The following FNDC1 variants were observed in gnomAD, a reference collection of about 807,000 sequenced individuals.
FNDC1 encodes fibronectin type III domain-containing protein 1.
Under a neutral mutation model 168.0 loss-of-function variants are expected in FNDC1, and 96 were observed. The observed-to-expected ratio is 0.57, with a 90% CI of 0.48 to 0.68. FNDC1 has a LOEUF of 0.68. Among genes scored for constraint, FNDC1 ranks in the 30% least tolerant of loss-of-function variants. FNDC1 has a pLI of 0.00. For synonymous variants in FNDC1, 1,099 were observed against 1,025.9 expected (o/e 1.07, Z -1.36); for missense variants, 2,587 against 2,482.1 (o/e 1.04, Z -0.90).
intron 21 of FNDC1, among the ~76,000 whole-genome samples, chr6:159,267,074 A>G (rs777611103): frequency 2.2e-4 from 34 of 152,174 alleles, no homozygotes; most frequent in Middle Eastern, 3.4e-3. Flanking sequence ...TTGTTGGTCA[A>G]AAATATATTT....
intron 21 of FNDC1, among the ~76,000 whole-genome samples, chr6:159,266,733 G>A (rs1303224724): frequency 1.3e-5 from 2 of 148,624 alleles, no homozygotes; most frequent in African/African-American, 5.0e-5. Context: ...ACGAGCGTGA[G>A]CTGGAATAAT....
chr6:159,194,354 C>T (rs1438779404), intron 1 of FNDC1, among the ~76,000 whole-genome samples: 3 of 152,062 alleles, frequency 2.0e-5, no homozygotes, highest in Non-Finnish European at 4.4e-5. Context: ...CTTTAGAGAC[C>T]CAGTGCATGG....
In FNDC1 at chr6:159,233,868, CA is replaced by C; in HGVS notation, c.3357del (p.Ala1121GlnfsTer120). 6.5e-7 allele frequency: 1 copy of C among 1,547,246 alleles called. No homozygotes were observed. The highest frequency in any genetic ancestry group is 2.4e-5 in the East Asian group (1 of 40,826). Reference protein sequence around the residue: ...KHQQVESPTGAGAGGDHRSQR... With the variant: ...KHQQVESPTGXGAGGDHRSQR... Reference sequence around the variant, plus strand: ...CAGCAGGTGGAGTCTCCCACAGGCGCAGGGGCAGGTGGCGACCACAGGTCCC... The same window carrying C: ...CAGCAGGTGGAGTCTCCCACAGGCGCGGGGCAGGTGGCGACCACAGGTCCC... On this transcript the variant is annotated frameshift_variant, in exon 11 of 23. Coordinates refer to ENST00000297267, the MANE Select transcript of FNDC1 (RefSeq NM_032532.3). LOFTEE classifies it high-confidence loss of function. The surrounding 1 kb of genome is among the most constrained non-coding windows in gnomAD (Gnocchi z 4.6).
At chr6:159,213,096 G>A (rs1247574167) in intron 4 of FNDC1, among the ~76,000 whole-genome samples, 1 of 152,218 alleles carries the variant, frequency 6.6e-6, no homozygotes, top group African/African-American at 2.4e-5. Context: ...CCATAAAATA[G>A]GGGGATTGCA....
In FNDC1 at chr6:159,238,448, A is replaced by T. The variant is rs1783319264; in HGVS notation, c.4069-106A>T. 2.6e-5 allele frequency: 18 copies of T among 696,006 alleles called. No homozygotes were observed. The East Asian group carries it at 5.1e-4, about 20-fold the overall frequency. The allele number at this position is 696,006 out of a possible 1,614,324, so 43.1% of individuals were successfully genotyped here. A position where few individuals can be genotyped will look rare whatever the true frequency, so the allele number is the denominator to read the frequency against. ...AAAAAGAATGTCTTCTACTCACATT[A>T]CGGTTTCCTTCTGTGGAAGCTTCAG... On this transcript the variant is annotated intron_variant, in intron 12 of 22. Coordinates refer to ENST00000297267, the MANE Select transcript of FNDC1 (RefSeq NM_032532.3).
chr6:159,181,542 A>G (rs1290140139), intron 1 of FNDC1, among the ~76,000 whole-genome samples: 2 of 152,250 alleles, frequency 1.3e-5, no homozygotes. Context: ...ACAACCAAAT[A>G]TGATAAATGT....
chr6:159,188,669 C>T (rs551135322), intron 1 of FNDC1, among the ~76,000 whole-genome samples: 7 of 151,910 alleles, frequency 4.6e-5, no homozygotes, highest in South Asian at 2.1e-4. Flanking sequence ...TGAGCCACTG[C>T]GCCCGGCCGC....
intron 18 of FNDC1, among the ~76,000 whole-genome samples, chr6:159,259,626 G>T (rs1348687671): frequency 6.6e-6 from 1 of 152,078 alleles, no homozygotes; most frequent in African/African-American, 2.4e-5. Context: ...GTTTGCCCAG[G>T]ACTGGAAATG....
At chr6:159,183,631 A>G (rs778987246) in intron 1 of FNDC1, among the ~76,000 whole-genome samples, 47 of 152,186 alleles carry the variant, frequency 3.1e-4, no homozygotes, top group Non-Finnish European at 6.8e-4. Flanking sequence ...GTGCTCTACC[A>G]TTTAGAGTTC....
At chr6:159,236,768 A>G (rs1299417485) in intron 12 of FNDC1, among the ~76,000 whole-genome samples, 1 of 152,232 alleles carries the variant, frequency 6.6e-6, no homozygotes, top group Admixed American at 6.5e-5. Flanking sequence ...AAATAAACAA[A>G]CAAAAAACCC....
At chr6:159,219,653 C>A (rs1448449767) in intron 5 of FNDC1, among the ~76,000 whole-genome samples, 3 of 152,038 alleles carry the variant, frequency 2.0e-5, no homozygotes, top group Non-Finnish European at 2.9e-5. Context: ...GTGTTTACTG[C>A]AGAATAAAAC....
At chr6:159,204,428 A>G (rs1037288678) in intron 4 of FNDC1, among the ~76,000 whole-genome samples, 5 of 152,168 alleles carry the variant, frequency 3.3e-5, no homozygotes, top group Non-Finnish European at 5.9e-5. Flanking sequence ...TCTGATCACC[A>G]TCATCTCACT....
In FNDC1 at chr6:159,238,545, T is replaced by C; in HGVS notation, c.4069-9T>C. On this transcript the variant is annotated splice_polypyrimidine_tract_variant and intron_variant, in intron 12 of 22. Transcript: ENST00000297267. Reference sequence around the variant, plus strand: ...CCAATATATTCTTTAATCTATGTCATGGATTTAGGTTGTGGACCTTGATCG... The same window carrying C: ...CCAATATATTCTTTAATCTATGTCACGGATTTAGGTTGTGGACCTTGATCG... 6.3e-7 allele frequency: 1 copy of C among 1,586,980 alleles called. No individual in the cohort carries two copies.
chr6:159,188,826 C>T lies in FNDC1; in HGVS notation c.110-8605C>T, dbSNP rs188516553. Among the ~76,000 whole-genome samples, 130 of 151,090 alleles carry T rather than the reference C, an allele frequency of 8.6e-4. 1 individual carries two copies. The South Asian group carries it at 0.011, about 13-fold the overall frequency. On this transcript the variant is annotated intron_variant, in intron 1 of 22. Transcript: ENST00000297267. Reference sequence around the variant, plus strand: ...GCAGTGGCAAAATCTCAGCTCACTGCAACCTCCGCCTCCCAGGTTCAAGCG... The same window carrying T: ...GCAGTGGCAAAATCTCAGCTCACTGTAACCTCCGCCTCCCAGGTTCAAGCG...
At chr6:159,264,820 T>C (rs544110665) in intron 19 of FNDC1, among the ~76,000 whole-genome samples, 155 bp from the exon 20 acceptor site, 1 of 152,374 alleles carries the variant, frequency 6.6e-6, no homozygotes, top group Non-Finnish European at 1.5e-5. Context: ...AGGAAATGTT[T>C]AGAAAATAAA....
At chr6:159,223,846 G>T (rs1406357133) in intron 7 of FNDC1, among the ~76,000 whole-genome samples, 1 of 152,204 alleles carries the variant, frequency 6.6e-6, no homozygotes, top group East Asian at 1.9e-4. Context: ...TCAGATGTTA[G>T]CAGGGCCTCG....
At chr6:159,211,819 AGAGAG>A (rs1409144171) in intron 4 of FNDC1, among the ~76,000 whole-genome samples, 1 of 152,262 alleles carries the variant, frequency 6.6e-6, no homozygotes, top group East Asian at 1.9e-4. Flanking sequence ...ACTGAAATTC[AGAGAG>A]GTCTAAGCCA....
At chr6:159,188,418 A>G (rs1202709728) in intron 1 of FNDC1, among the ~76,000 whole-genome samples, 2 of 137,606 alleles carry the variant, frequency 1.5e-5, no homozygotes, top group Non-Finnish European at 3.1e-5. Context: ...TCTGTTGCCC[A>G]GGCTGGAGTC....
At chr6:159,213,246 C>G (rs975856155) in intron 4 of FNDC1, among the ~76,000 whole-genome samples, 3 of 152,152 alleles carry the variant, frequency 2.0e-5, no homozygotes, top group African/African-American at 7.2e-5. Context: ...GGGTGTGTGG[C>G]TCATGTTTAG....
Sources: gnomAD v4.1 joint callset for allele counts (sites outside exome capture counted in the v4.1 genomes callset) on GRCh38, gnomAD v4.1.1 for gene constraint, Gnocchi (gnomAD v3.1) non-coding constraint, MANE v1.5 for transcripts, NCBI Gene and HGNC (gene_info 2026-07-23, HGNC 2026-07-21) for gene names.